ACTR8: variants seen among roughly 807,000 people sequenced by gnomAD.
ACTR8 encodes actin related protein 8.
A neutral mutation model predicts 84.3 loss-of-function variants in ACTR8; 70 were observed. The ratio of observed to expected loss-of-function variants is 0.83; its 90% CI spans 0.68 to 1.01. ACTR8 has a LOEUF of 1.01. Ranked by LOEUF, ACTR8 falls within the 50% of genes least tolerant of loss-of-function variation. ACTR8 has a pLI of 0.00. For missense variants in ACTR8, 672 were observed against 775.4 expected (o/e 0.87, Z 1.58); for synonymous variants, 268 against 275.2 (o/e 0.97, Z 0.26).
Position 53,882,134 on chromosome 3 carries a change from C to G in ACTR8, c.-33G>C. On this transcript the variant is annotated 5_prime_UTR_variant, in exon 1 of 13. Coordinates refer to ENST00000335754, the MANE Select transcript of ACTR8 (RefSeq NM_022899.5). ...GGAGACACCCACCAACCTCTCGCCT[C>G]AGCGCTGCAGCCACGACTGCCGGGA... 4 of 1,548,950 alleles carry G rather than the reference C, an allele frequency of 2.6e-6. No homozygotes were observed. Among genetic ancestry groups the G allele is most frequent in the Non-Finnish European group, 3.5e-6 (4 of 1,145,096 alleles).
Position 53,881,985 on chromosome 3 carries a change from C to G in ACTR8, c.117G>C (p.Leu39=), listed in dbSNP as rs200065064. 3.1e-5 allele frequency: 48 copies of G among 1,554,362 alleles called. No individual in the cohort carries two copies. The Admixed American group carries it at 5.0e-4, about 16-fold the overall frequency. The change falls in exon 1 of 13, where the codon CTG becomes CTC. Residue 39 remains leucine (L), a synonymous_variant. Coordinates refer to ENST00000335754, the MANE Select transcript of ACTR8 (RefSeq NM_022899.5). The part of the protein sequence containing the change: ...PIVPALVPES[L]QEQIQSNFII... ...AACCCAGCCAGAGCCGCACCTCTTG[C>G]AGCGACTCCGGCACCAGCGCGGGCA...
rs1391379067 is a variant in ACTR8, at chr3:53,882,073, T to G, written c.29A>C (p.Glu10Ala). The stretch of plus-strand genomic sequence containing the variant: ...CTCGCCGCCCTTCTCCTTTCCGTTC[T>G]CCGTATCACCCTTCTCAGCCTGGGT... MTQAEKGDTENGKEKGGEKE... is the reference protein window; with the variant it reads MTQAEKGDTANGKEKGGEKE... Residue 10 changes from glutamate (E) to alanine (A), a missense_variant, in exon 1 of 13, where the codon GAG becomes GCG. Physicochemically the swap from Glu to Ala is moderately radical, Grantham distance 107. Transcript: ENST00000335754. The G allele has an allele frequency of 1.3e-6, 2 of 1,551,642 alleles. No individual in the cohort carries two copies. Among genetic ancestry groups the G allele is most frequent in the South Asian group, 1.2e-5 (1 of 84,060 alleles).
At position 53,872,418 on chromosome 3, in the gene ACTR8, T is replaced by C. The variant is rs1203079257; in HGVS notation, c.1268A>G (p.His423Arg). ...QGDPEDPHDE[H>R]YLLATQSKQE... The stretch of plus-strand genomic sequence containing the variant: ...TTTGCTCTGTGTGGCCAGCAGGTAA[T>C]GTTCATCGTGAGGATCCTCAGGATC... The change falls in exon 10 of 13, where the codon CAT becomes CGT. Residue 423 changes from histidine (H) to arginine (R), a missense_variant. Coordinates refer to ENST00000335754, the MANE Select transcript of ACTR8 (RefSeq NM_022899.5). The C allele has an allele frequency of 1.2e-6, 2 of 1,611,216 alleles. No homozygotes were observed. Among genetic ancestry groups the C allele is most frequent in the Non-Finnish European group, 1.7e-6 (2 of 1,179,114 alleles).
Position 53,871,378 on chromosome 3 carries a change from C to G in ACTR8, c.1421G>C (p.Gly474Ala). ...ERLHSQEVDL[G>A]SAQGDGLMAG... ...CATCAGGCCATCTCCCTGTGCAGACCCCAAATCTACCTCCTGGGAATGGAG... is the reference window on the plus strand; with the variant it reads ...CATCAGGCCATCTCCCTGTGCAGACGCCAAATCTACCTCCTGGGAATGGAG... The change falls in exon 11 of 13, where the codon GGG (glycine) becomes GCG (alanine). Residue 474 changes from glycine (G) to alanine (A), a missense_variant. Transcript: ENST00000335754. 2 of 1,614,228 alleles carry G rather than the reference C, an allele frequency of 1.2e-6. No individual in the cohort carries two copies. Among genetic ancestry groups the G allele is most frequent in the African/African-American group, 2.7e-5 (2 of 75,066 alleles).
At chr3:53,861,416 CA>C in the ACTR8 span, 1 of 151,666 alleles carries the variant, frequency 6.6e-6, no homozygotes, top group African/African-American at 2.4e-5. Context: ...GGACCATAGT[CA>C]AAAAAGAAAA....
intron 10 of ACTR8, among the ~76,000 whole-genome samples, chr3:53,872,062 TTAAG>T (rs1388100858): frequency 6.6e-6 from 1 of 152,166 alleles, no homozygotes; most frequent in Non-Finnish European, 1.5e-5. Context: ...TTTCACAAAA[TTAAG>T]TAACAGGTGA....
chr3:53,874,207 C>T lies in ACTR8; in HGVS notation c.1065+4G>A, dbSNP rs1699932852. 6.2e-7 allele frequency: 1 copy of T among 1,610,102 alleles called. No homozygotes were observed. On this transcript the variant is annotated splice_donor_region_variant and intron_variant, in intron 8 of 12. Coordinates refer to ENST00000335754, the MANE Select transcript of ACTR8 (RefSeq NM_022899.5). ...ATAATCAGCAATATTGATTCTGCTC[C>T]CACCTGATCTAAATGACAAAAAGTT... is the stretch of plus-strand genomic sequence containing the variant.
chr3:53,876,576 G>A lies in ACTR8; in HGVS notation c.778+44C>T. The A allele has an allele frequency of 3.6e-6, 4 of 1,120,800 alleles. No homozygotes were observed. In the South Asian group the frequency reaches 5.3e-5, roughly 15 times the overall value. 69.4% of individuals were successfully genotyped at this position (1,120,800 alleles called of 1,614,324 possible). On this transcript the variant is annotated intron_variant, in intron 6 of 12. Coordinates refer to ENST00000335754, the MANE Select transcript of ACTR8 (RefSeq NM_022899.5). ...AAGATTAACTCTGTCATTAAAGAAA[G>A]AAAATTCCATTTAAAATAGGTTTCA...
chr3:53,870,355 C>A lies in ACTR8; in HGVS notation c.1568-210G>T. 1 of 593,722 alleles carries A rather than the reference C, an allele frequency of 1.7e-6. No homozygotes were observed. The highest frequency in any genetic ancestry group is 2.2e-5 in the South Asian group (1 of 45,548). 36.8% of individuals were successfully genotyped at this position (593,722 alleles called of 1,614,324 possible). On this transcript the variant is annotated intron_variant, in intron 11 of 12. Coordinates refer to ENST00000335754, the MANE Select transcript of ACTR8 (RefSeq NM_022899.5). This position sits in a 1 kb window ranked among gnomAD's most constrained non-coding sequence, Gnocchi z 4.1. ...GCAATCCTACTTGCAGGATTAGGAT[C>A]AAAATCTTTAAAGGAGGCCGAGCAT...
intron 1 of ACTR8, among the ~76,000 whole-genome samples, chr3:53,880,583 C>G (rs111781900): frequency 2.3e-4 from 35 of 152,298 alleles, no homozygotes; most frequent in African/African-American, 7.5e-4. Flanking sequence ...AATGTTGGCT[C>G]TTACTATAGT....
At chr3:53,872,343 G>A in intron 10 of ACTR8, 41 bp downstream of exon 10, 1 of 1,514,602 alleles carries the variant, frequency 6.6e-7, no homozygotes, top group Non-Finnish European at 8.8e-7. Flanking sequence ...TTCTCCTTCA[G>A]GGACAAAACT....
At chr3:53,875,291 T>C (rs925608363) in intron 7 of ACTR8, among the ~76,000 whole-genome samples, 2 of 152,128 alleles carry the variant, frequency 1.3e-5, no homozygotes, top group Non-Finnish European at 2.9e-5. Context: ...TTTTAAAGAC[T>C]CAAACTACCT....
intron 9 of ACTR8, 28 bp from the exon 10 acceptor site, chr3:53,872,552 CAA>C (rs1173568677): frequency 6.5e-7 from 1 of 1,546,492 alleles, no homozygotes; most frequent in Admixed American, 2.2e-5. Flanking sequence ...GAGTGATCAA[CAA>C]AAGATACTGC....
chr3:53,881,447 A>C (rs143359426), intron 1 of ACTR8, among the ~76,000 whole-genome samples: 2 of 152,230 alleles, frequency 1.3e-5, no homozygotes, highest in Non-Finnish European at 2.9e-5. Flanking sequence ...TTGATACACA[A>C]GCTCTTAATA....
intron 4 of ACTR8, 91 bp from the exon 5 acceptor site, chr3:53,877,478 T>TGAATGTGAGAAATGTTGAGAGTGAA: frequency 7.1e-7 from 1 of 1,404,266 alleles, no homozygotes; most frequent in Non-Finnish European, 9.6e-7. Context: ...TAACGTTTGC[T>TGAATGTGAGAAATGTTGAGAGTGAA]GAATGTGAGA....
chr3:53,859,044 C>G, the ACTR8 span: 5 of 445,362 alleles, frequency 1.1e-5, no homozygotes, highest in African/African-American at 2.0e-5. Context: ...CTTTACAAAG[C>G]AGGATACACA....
At chr3:53,872,562 T>C (rs770115313) in intron 9 of ACTR8, 38 bp from the exon 10 acceptor site, 4 of 1,523,746 alleles carry the variant, frequency 2.6e-6, no homozygotes, top group African/African-American at 2.8e-5. Flanking sequence ...CAAAAGATAC[T>C]GCATCCTGAA....
downstream of ACTR8, among the ~76,000 whole-genome samples, chr3:53,863,571 G>A (rs759223627): frequency 1.1e-4 from 17 of 152,144 alleles, no homozygotes; most frequent in South Asian, 4.1e-4. Flanking sequence ...ACCTGTATTC[G>A]TTACAGTAGT....
At chr3:53,879,793 G>T in intron 2 of ACTR8, 146 bp downstream of exon 2, 1 of 819,520 alleles carries the variant, frequency 1.2e-6, no homozygotes, top group Non-Finnish European at 1.8e-6. Context: ...AAAGTCACTA[G>T]CTCTGATGAA....
Sources: allele counts gnomAD v4.1 joint callset (sites outside exome capture counted in the v4.1 genomes callset), GRCh38; gene constraint gnomAD v4.1.1; non-coding constraint Gnocchi (gnomAD v3.1); transcripts MANE v1.5; gene names NCBI Gene and HGNC (gene_info 2026-07-23, HGNC 2026-07-21).